Variants in ABL2 observed in about 807,000 individuals in gnomAD.
ABL2 encodes tyrosine-protein kinase ABL2.
In ABL2, 49 loss-of-function variants were observed where a neutral mutation model predicts 107.7. The observed-to-expected ratio is 0.45, with a 90% confidence interval of 0.36 to 0.58. The LOEUF (loss-of-function observed/expected upper bound fraction) is 0.58. Among genes scored for constraint, ABL2 ranks in the 20% least tolerant of loss-of-function variants. The pLI, the probability that ABL2 is intolerant of heterozygous loss-of-function variation, is 0.00. For missense variants in ABL2, 1,245 were observed against 1,457.0 expected, an observed-to-expected ratio of 0.85 and a Z score of 2.37; for synonymous variants, 549 against 548.6, an observed-to-expected ratio of 1.00 and a Z score of -0.01.
rs140896455 is a variant in ABL2, at chr1:179,144,222, C to A, written c.158-10848G>T. Among the ~76,000 whole-genome samples the A allele has an allele frequency of 1.1e-3, 167 of 152,132 alleles. 2 individuals are homozygous for A. Among genetic ancestry groups the A allele is most frequent in the African/African-American group, 3.8e-3 (156 of 41,554 alleles). ...CCTGTAATCCCAGCACTTTGGGAGG[C>A]AGAGGTGGGTGTATCACAAGGTCAG... On this transcript the variant is annotated intron_variant, in intron 1 of 11. Coordinates refer to ENST00000502732, the MANE Select transcript of ABL2 (RefSeq NM_007314.4).
chr1:179,146,919 C>G (rs1201872866), intron 1 of ABL2, among the ~76,000 whole-genome samples: 1 of 152,050 alleles, frequency 6.6e-6, no homozygotes, highest in Non-Finnish European at 1.5e-5. Context: ...TACCTAAAGA[C>G]AGGATACAAA....
intron 1 of ABL2, among the ~76,000 whole-genome samples, chr1:179,145,082 G>A (rs1174980308): frequency 1.3e-5 from 2 of 152,154 alleles, no homozygotes; most frequent in Non-Finnish European, 2.9e-5. Flanking sequence ...TAAAAAGAAT[G>A]AAATGTTGAT....
At chr1:179,150,373 G>A (rs886557417) in intron 1 of ABL2, among the ~76,000 whole-genome samples, 1 of 152,150 alleles carries the variant, frequency 6.6e-6, no homozygotes, top group Non-Finnish European at 1.5e-5. Context: ...ATGGGAAGAG[G>A]TCAAAATAGC....
intron 1 of ABL2, chr1:179,142,871 TCA>T: frequency 6.4e-7 from 1 of 1,564,634 alleles, no homozygotes; most frequent in Non-Finnish European, 8.7e-7. Context: ...TTTGAAATCT[TCA>T]TTCACACTTG....
chr1:179,210,514 A>AAAG (rs1553233496), intron 1 of ABL2, among the ~76,000 whole-genome samples: 12 of 150,964 alleles, frequency 7.9e-5, no homozygotes, highest in Non-Finnish European at 1.8e-4. Flanking sequence ...AAAAAAAAAA[A>AAAG]AAAAGAAAAA....
In ABL2 at chr1:179,108,650, C is replaced by T. The variant is rs778722832; in HGVS notation, c.2617G>A (p.Glu873Lys). ...RTPSGDLAIT[E>K]KDPPGVGVAG... ...ACTCCCACCCCTGGAGGGTCCTTCTCTGTAATGGCTAGATCCCCAGAGGGT... is the reference window on the plus strand; with the variant it reads ...ACTCCCACCCCTGGAGGGTCCTTCTTTGTAATGGCTAGATCCCCAGAGGGT... The change falls in exon 12 of 12, where the codon GAG becomes AAG. Residue 873 changes from glutamate to lysine, a missense_variant. By Grantham distance (56) the Glu-to-Lys change is moderately conservative (BLOSUM62 1). This residue lies in a region of ABL2 where 761 missense variants were observed against 766.4 expected (regional missense o/e 0.99). Transcript: ENST00000502732. 2.5e-5 allele frequency: 40 copies of T among 1,614,122 alleles called. No homozygotes were observed. Among genetic ancestry groups the T allele is most frequent in the East Asian group, 6.7e-5 (3 of 44,888 alleles).
intron 6 of ABL2, among the ~76,000 whole-genome samples, 194 bp downstream of exon 6, chr1:179,119,996 C>G (rs1332405273): frequency 1.3e-5 from 2 of 152,010 alleles, no homozygotes; most frequent in Non-Finnish European, 2.9e-5. Flanking sequence ...AAAGGCGGGG[C>G]ATGGTGGCTC....
rs1210470277 is a variant in ABL2, at chr1:179,104,655, T to A, written c.*3063A>T. 4.8e-6 allele frequency: 1 copy of A among 207,064 alleles called. No individual in the cohort carries two copies. The highest frequency in any genetic ancestry group is 9.8e-6 in the Non-Finnish European group (1 of 101,714). The allele number at this position is 207,064 out of a possible 1,614,324, so 12.8% of individuals were successfully genotyped here. On this transcript the variant is annotated 3_prime_UTR_variant, in exon 12 of 12. Transcript: ENST00000502732. ...TTTTACACAAAGCCTTTTAAGAAAA[T>A]ACTTTAGGTAAAGCACAATCAAGAT...
chr1:179,222,954 A>G (rs1163513688), intron 1 of ABL2, among the ~76,000 whole-genome samples: 1 of 151,762 alleles, frequency 6.6e-6, no homozygotes, highest in African/African-American at 2.4e-5. Flanking sequence ...CTACTAAAAT[A>G]CAAAAATTAG....
intron 1 of ABL2, among the ~76,000 whole-genome samples, chr1:179,133,882 T>G (rs1656592792): frequency 6.6e-6 from 1 of 152,340 alleles, no homozygotes. Context: ...TATGTGAATG[T>G]GGTATCTCTC....
intron 1 of ABL2, among the ~76,000 whole-genome samples, chr1:179,188,661 A>T (rs1357145225): frequency 6.6e-6 from 1 of 152,174 alleles, no homozygotes; most frequent in African/African-American, 2.4e-5. Flanking sequence ...TTTAGTTAGC[A>T]CCTGTCTCCA....
At chr1:179,130,949 T>TC (rs1202078276) in intron 3 of ABL2, among the ~76,000 whole-genome samples, 2 of 151,504 alleles carry the variant, frequency 1.3e-5, no homozygotes, top group East Asian at 3.9e-4. Context: ...TTTTTTTTTT[T>TC]TTCTTTTTTG....
At chr1:179,167,472 A>T in intron 1 of ABL2, among the ~76,000 whole-genome samples, 1 of 152,220 alleles carries the variant, frequency 6.6e-6, no homozygotes, top group East Asian at 1.9e-4. Flanking sequence ...AATGTTCATT[A>T]ACAGAGTGAA....
At position 179,108,875 on chromosome 1, in the gene ABL2, C is replaced by G. The variant is rs746707880; in HGVS notation, c.2392G>C (p.Ala798Pro). 6 of 1,614,172 alleles carry G rather than the reference C, an allele frequency of 3.7e-6. No homozygotes were observed. Among genetic ancestry groups the G allele is most frequent in the Non-Finnish European group, 4.2e-6 (5 of 1,180,014 alleles). ...SSGLPEQDRM[A>P]MTLPRNCQRS... ...TGGCAGTTCCTGGGAAGGGTCATTGCCATCCTATCCTGCTCTGGAAGCCCT... is the reference window on the plus strand; with the variant it reads ...TGGCAGTTCCTGGGAAGGGTCATTGGCATCCTATCCTGCTCTGGAAGCCCT... The change falls in exon 12 of 12, where the codon GCA (alanine) becomes CCA (proline). Residue 798 changes from alanine (A) to proline (P), a missense_variant. Physicochemically the swap from Ala to Pro is conservative, Grantham distance 27 (BLOSUM62 -1). Coordinates refer to ENST00000502732, the MANE Select transcript of ABL2 (RefSeq NM_007314.4).
In ABL2 at chr1:179,100,131, T is replaced by G. The variant is rs1347384417; in HGVS notation, c.*7587A>C. On this transcript the variant is annotated 3_prime_UTR_variant, in exon 12 of 12. Transcript: ENST00000502732. ...AGTATCTCATTGTTCCTTTCTAGTT[T>G]CTGAATACTGATTGACAATTGGCCT... 8.6e-6 allele frequency: 2 copies of G among 231,246 alleles called. No homozygotes were observed. The highest frequency in any genetic ancestry group is 3.6e-4 in the South Asian group (2 of 5,522). 14.3% of individuals were successfully genotyped at this position (231,246 alleles called of 1,614,324 possible). A position where few individuals can be genotyped will look rare whatever the true frequency, so the allele number is the denominator to read the frequency against.
chr1:179,119,856 A>T (rs1254901707), intron 6 of ABL2, among the ~76,000 whole-genome samples: 1 of 152,210 alleles, frequency 6.6e-6, no homozygotes, highest in Non-Finnish European at 1.5e-5. Context: ...CACCAAAATC[A>T]ATCCAGGCCA....
intron 4 of ABL2, among the ~76,000 whole-genome samples, chr1:179,125,181 T>C (rs983307275): frequency 1.3e-5 from 2 of 152,152 alleles, no homozygotes; most frequent in African/African-American, 2.4e-5. Flanking sequence ...ATAGAAACCA[T>C]AGACAATACA....
intron 1 of ABL2, among the ~76,000 whole-genome samples, chr1:179,189,278 G>A (rs1440830588): frequency 1.3e-5 from 2 of 152,090 alleles, no homozygotes; most frequent in African/African-American, 4.8e-5. Context: ...TGGGATTACA[G>A]GTATGCACCA....
At chr1:179,135,862 C>T (rs1218195343) in intron 1 of ABL2, among the ~76,000 whole-genome samples, 4 of 147,808 alleles carry the variant, frequency 2.7e-5, no homozygotes, top group Admixed American at 6.7e-5. Context: ...CCAGCCGCCC[C>T]GTCCAGGAGG....
Sources: gnomAD v4.1 joint callset for allele counts (sites outside exome capture counted in the v4.1 genomes callset) on GRCh38, gnomAD v4.1.1 for gene constraint, gnomAD v4.1.1 regional missense constraint, MANE v1.5 for transcripts, NCBI Gene and HGNC (gene_info 2026-07-23, HGNC 2026-07-21) for gene names.